The following NXPE3 variants were observed in gnomAD, a reference collection of about 807,000 sequenced individuals.
NXPE3 encodes neurexophilin and PC-esterase domain family member 3.
A neutral mutation model predicts 46.1 loss-of-function variants in NXPE3; 26 were observed. The observed-to-expected ratio is 0.56, with a 90% CI of 0.41 to 0.78. The LOEUF (loss-of-function observed/expected upper bound fraction) is 0.78, where lower values mean the gene tolerates loss of function less well. NXPE3 is among the 30% of genes least tolerant of loss of function. NXPE3 has a pLI of 0.00. For missense variants in NXPE3, 620 were observed against 686.0 expected (o/e 0.90, Z 1.07); for synonymous variants, 272 against 257.9 (o/e 1.05, Z -0.52).
At chr3:101,793,106 A>C (rs555854052) in intron 4 of NXPE3, among the ~76,000 whole-genome samples, 1 of 152,292 alleles carries the variant, frequency 6.6e-6, no homozygotes, top group East Asian at 1.9e-4. Context: ...ATTTTTGTAC[A>C]TTGTTTTTGT....
Position 101,801,428 on chromosome 3 carries a change from C to T in NXPE3, c.287C>T (p.Pro96Leu), listed in dbSNP as rs1941142112. The T allele has an allele frequency of 6.2e-7, 1 of 1,614,160 alleles. No individual in the cohort carries two copies. Among genetic ancestry groups the T allele is most frequent in the East Asian group, 2.2e-5 (1 of 44,874 alleles). Residue 96 changes from proline to leucine, a missense_variant, in exon 5 of 8, where the codon CCC becomes CTC. This residue lies in a region of NXPE3 where 511 missense variants were observed against 528.6 expected (regional missense o/e 0.97). Transcript: ENST00000273347. Reference protein sequence around the residue: ...HRQVPDVGPVPFVKSTDPSSS... With the variant: ...HRQVPDVGPVLFVKSTDPSSS... Reference sequence around the variant, plus strand: ...CAGGTTCCTGATGTGGGCCCAGTCCCCTTTGTGAAGAGCACTGACCCTTCT... The same window carrying T: ...CAGGTTCCTGATGTGGGCCCAGTCCTCTTTGTGAAGAGCACTGACCCTTCT...
chr3:101,791,667 C>T (rs1252217253), intron 4 of NXPE3, among the ~76,000 whole-genome samples: 3 of 152,132 alleles, frequency 2.0e-5, no homozygotes, highest in Admixed American at 6.6e-5. Flanking sequence ...TGAGCCACCA[C>T]GCCCGGCCTT....
intron 5 of NXPE3, among the ~76,000 whole-genome samples, chr3:101,805,659 C>T (rs1941382242): frequency 6.6e-6 from 1 of 152,020 alleles, no homozygotes. Context: ...AGGCTGGTCT[C>T]AGACTCCTGG....
intron 4 of NXPE3, among the ~76,000 whole-genome samples, chr3:101,790,873 G>A (rs1196908367): frequency 1.3e-5 from 2 of 152,184 alleles, no homozygotes; most frequent in South Asian, 2.1e-4. Context: ...TGGGATTACA[G>A]GTGTGAGTCA....
In NXPE3 at chr3:101,785,020, A is replaced by G. The variant is rs74895719; in HGVS notation, c.-195-382A>G. Among the ~76,000 whole-genome samples the G allele has an allele frequency of 2.4e-4, 37 of 152,328 alleles. 1 individual carries two copies. The East Asian group carries it at 6.7e-3, about 28-fold the overall frequency. On this transcript the variant is annotated intron_variant, in intron 3 of 7. Coordinates refer to ENST00000273347, the MANE Select transcript of NXPE3 (RefSeq NM_145037.4). ...TTCCTCTTCATGTTCTTTAAGTGTAATTAATGTAGCAGTGTTACATAACTT... is the reference window on the plus strand; with the variant it reads ...TTCCTCTTCATGTTCTTTAAGTGTAGTTAATGTAGCAGTGTTACATAACTT...
rs72937635 is a variant in NXPE3, at chr3:101,790,986, T to C, written c.93+5297T>C. Among the ~76,000 whole-genome samples, 466 of 152,294 alleles carry C rather than the reference T, an allele frequency of 3.1e-3. 2 individuals are homozygous for C. The highest frequency in any genetic ancestry group is 0.01 in the African/African-American group (434 of 41,550). On this transcript the variant is annotated intron_variant, in intron 4 of 7. Coordinates refer to ENST00000273347, the MANE Select transcript of NXPE3 (RefSeq NM_145037.4). ...CTTTCATTTTAGGTTTGGGGGTACA[T>C]GTAAAGGTTTGTTACACAGGAAAGC...
intron 3 of NXPE3, 77 bp from the exon 4 acceptor site, chr3:101,785,325 G>A (rs550707134): frequency 2.7e-6 from 1 of 374,116 alleles, no homozygotes; most frequent in African/African-American, 2.1e-5. Context: ...TAAGGAAGAG[G>A]AAATGTGATG....
chr3:101,795,539 A>G (rs1940780214), intron 4 of NXPE3, among the ~76,000 whole-genome samples: 1 of 151,138 alleles, frequency 6.6e-6, no homozygotes, highest in Non-Finnish European at 1.5e-5. Flanking sequence ...AAAGCAGTCC[A>G]TATTATGAGA....
rs1209949251 is a variant in NXPE3 at position 101,827,821 on chromosome 3, T to C, written c.*5867T>C. ...CACAAATCTAGGCCTCGCTGCCCCCTCCCTGCCTCCTCTGGCCCTCCTCAG... is the reference window on the plus strand; with the variant it reads ...CACAAATCTAGGCCTCGCTGCCCCCCCCCTGCCTCCTCTGGCCCTCCTCAG... On this transcript the variant is annotated 3_prime_UTR_variant, in exon 8 of 8. Transcript: ENST00000273347. Among the ~76,000 whole-genome samples the C allele has an allele frequency of 6.6e-6, 1 of 152,072 alleles. No individual in the cohort carries two copies. The highest frequency in any genetic ancestry group is 1.9e-4 in the East Asian group (1 of 5,196).
At chr3:101,808,385 G>T (rs1314455065) in intron 6 of NXPE3, among the ~76,000 whole-genome samples, 2 of 152,074 alleles carry the variant, frequency 1.3e-5, no homozygotes, top group African/African-American at 4.8e-5. Flanking sequence ...CCCTTTTGCT[G>T]CAGGGGCTTG....
At chr3:101,806,754 A>G (rs1274048141) in intron 5 of NXPE3, among the ~76,000 whole-genome samples, 1 of 152,260 alleles carries the variant, frequency 6.6e-6, no homozygotes, top group Non-Finnish European at 1.5e-5. Flanking sequence ...CCATTCTCTG[A>G]GTCCAAGGGG....
Position 101,798,932 on chromosome 3 carries a change from A to ATATT in NXPE3, c.94-2289_94-2286dup, listed in dbSNP as rs566016488. 9.8e-3 allele frequency among the ~76,000 whole-genome samples: 1,480 copies of ATATT among 151,626 alleles called. 21 individuals are homozygous for ATATT. Among genetic ancestry groups the ATATT allele is most frequent in the African/African-American group, 0.033 (1,370 of 41,300 alleles). The stretch of plus-strand genomic sequence containing the variant: ...ACTGTGCCCAGCCCAGTTTTAATTT[A>ATATT]TATTTATTTATTTATTTGTTAGAGA... On this transcript the variant is annotated intron_variant, in intron 4 of 7. Transcript: ENST00000273347.
At chr3:101,793,979 G>C (rs1369824766) in intron 4 of NXPE3, among the ~76,000 whole-genome samples, 2 of 151,924 alleles carry the variant, frequency 1.3e-5, no homozygotes, top group African/African-American at 4.8e-5. Flanking sequence ...CTGCAGCCTG[G>C]AAACTCTCTC....
Position 101,801,262 on chromosome 3 carries a change from A to G in NXPE3, c.121A>G (p.Thr41Ala), listed in dbSNP as rs200828649. 141 of 1,613,026 alleles carry G rather than the reference A, an allele frequency of 8.7e-5. 1 individual carries two copies. The East Asian group carries it at 3.1e-3, about 36-fold the overall frequency. ...EYLDHETVSA[T>A]FIDSSGQFVS... is the part of the protein sequence containing the mutation. ...CTTGGACCATGAGACTGTTTCAGCCACTTTCATCGACAGCAGTGGACAGTT... is the reference window on the plus strand; with the variant it reads ...CTTGGACCATGAGACTGTTTCAGCCGCTTTCATCGACAGCAGTGGACAGTT... Residue 41 changes from threonine (T) to alanine (A), a missense_variant, in exon 5 of 8, where the codon ACT becomes GCT. Around this residue, in one of 3 missense-constraint regions of NXPE3, gnomAD observed 511 missense variants for 528.6 expected, o/e 0.97. Coordinates refer to ENST00000273347, the MANE Select transcript of NXPE3 (RefSeq NM_145037.4).
intron 6 of NXPE3, among the ~76,000 whole-genome samples, chr3:101,815,166 T>A (rs1941915928): frequency 6.6e-6 from 1 of 152,236 alleles, no homozygotes; most frequent in South Asian, 2.1e-4. Flanking sequence ...AAGGTCGTTT[T>A]GCTTGTGTTA....
In NXPE3 at chr3:101,810,823, G is replaced by GT. The variant is rs1356733312; in HGVS notation, c.922+3706dup. Among the ~76,000 whole-genome samples, 440 of 149,776 alleles carry GT rather than the reference G, an allele frequency of 2.9e-3. 2 individuals are homozygous for GT. Among genetic ancestry groups the GT allele is most frequent in the African/African-American group, 8.8e-3 (358 of 40,690 alleles). On this transcript the variant is annotated intron_variant, in intron 6 of 7. Transcript: ENST00000273347. ...GCAACTTGAATGAACTTTTTTTGTT[G>GT]TTTTTTTTTGTTTGTTTGTTTTTGA...
Position 101,821,615 on chromosome 3 carries a change from CT to C in NXPE3, c.1343del (p.Phe448SerfsTer46). ...TVVAIAVWSH[F>X]STFPLEVYIR... is the part of the protein sequence containing the mutation. Reference sequence around the variant, plus strand: ...TGGTTGCCATAGCTGTATGGTCTCACTTCAGCACCTTCCCTTTGGAAGTGTA... The same window carrying C: ...TGGTTGCCATAGCTGTATGGTCTCACTCAGCACCTTCCCTTTGGAAGTGTA... On this transcript the variant is annotated frameshift_variant, in exon 8 of 8. Transcript: ENST00000273347. LOFTEE classifies it high-confidence loss of function. 6.2e-7 allele frequency: 1 copy of C among 1,614,240 alleles called. No individual in the cohort carries two copies. The highest frequency in any genetic ancestry group is 1.3e-5 in the African/African-American group (1 of 75,068).
chr3:101,787,626 T>C (rs1367736923), intron 4 of NXPE3, among the ~76,000 whole-genome samples: 4 of 152,230 alleles, frequency 2.6e-5, no homozygotes, highest in Non-Finnish European at 5.9e-5. Flanking sequence ...CTTTTTGTGA[T>C]TGGCTTATTT....
intron 3 of NXPE3, among the ~76,000 whole-genome samples, chr3:101,784,391 C>T (rs1195022343): frequency 6.6e-6 from 1 of 152,110 alleles, no homozygotes; most frequent in Non-Finnish European, 1.5e-5. Flanking sequence ...TCACCCTTGT[C>T]TCCTTTGTGA....
Sources: gnomAD v4.1 joint callset for allele counts (sites outside exome capture counted in the v4.1 genomes callset) on GRCh38, gnomAD v4.1.1 for gene constraint, gnomAD v4.1.1 regional missense constraint, MANE v1.5 for transcripts, NCBI Gene and HGNC (gene_info 2026-07-23, HGNC 2026-07-21) for gene names.